CFAP20DC: variants seen among roughly 807,000 people sequenced by gnomAD.
CFAP20DC encodes the protein CFAP20 domain containing.
A neutral mutation model predicts 101.7 loss-of-function variants in CFAP20DC; 84 were observed. That is an observed-to-expected ratio of 0.83 (90% CI 0.69 to 0.99). The LOEUF (loss-of-function observed/expected upper bound fraction) is 0.99, where lower values mean the gene tolerates loss of function less well. Ranked by LOEUF, CFAP20DC falls within the 50% of genes least tolerant of loss-of-function variation. CFAP20DC has a pLI of 0.00. For missense variants in CFAP20DC, 1,007 were observed against 970.3 expected, an observed-to-expected ratio of 1.04 and a Z score of -0.50; for synonymous variants, 359 against 351.2, an observed-to-expected ratio of 1.02 and a Z score of -0.25.
chr3:58,793,153 A>T (rs2107645478), intron 15 of CFAP20DC, among the ~76,000 whole-genome samples: 1 of 152,306 alleles, frequency 6.6e-6, no homozygotes, highest in South Asian at 2.1e-4. Flanking sequence ...GTAGTTTAAA[A>T]ATATCATTAA....
intron 4 of CFAP20DC, among the ~76,000 whole-genome samples, chr3:58,939,151 T>C (rs1477318234): frequency 6.6e-6 from 1 of 152,212 alleles, no homozygotes; most frequent in Admixed American, 6.5e-5. Context: ...TGTGCATGTC[T>C]CATTATACAG....
intron 15 of CFAP20DC, among the ~76,000 whole-genome samples, chr3:58,782,735 T>A (rs568549086): frequency 6.6e-6 from 1 of 152,060 alleles, no homozygotes; most frequent in African/African-American, 2.4e-5. Flanking sequence ...TAAGGAAAAC[T>A]ACAAAACACT....
chr3:59,012,278 A>T (rs144609645), intron 4 of CFAP20DC, among the ~76,000 whole-genome samples: 215 of 152,388 alleles, frequency 1.4e-3, no homozygotes, highest in Non-Finnish European at 2.3e-3. Context: ...TACAGAAGTG[A>T]AAGGATACAC....
At chr3:58,838,242 T>C (rs1418843291) in intron 13 of CFAP20DC, among the ~76,000 whole-genome samples, 1 of 152,092 alleles carries the variant, frequency 6.6e-6, no homozygotes, top group Non-Finnish European at 1.5e-5. Context: ...TAAGGGTTGC[T>C]ATATTGAGTT....
chr3:58,970,173 C>T (rs1036502701), intron 4 of CFAP20DC, among the ~76,000 whole-genome samples: 4 of 151,998 alleles, frequency 2.6e-5, no homozygotes, highest in African/African-American at 9.7e-5. Flanking sequence ...TTGGTGATGT[C>T]CTGAAATGTT....
At chr3:58,837,279 T>C (rs1391110989) in intron 13 of CFAP20DC, among the ~76,000 whole-genome samples, 1 of 152,104 alleles carries the variant, frequency 6.6e-6, no homozygotes. Flanking sequence ...ATCGCCCACA[T>C]GCCCATCAAC....
At chr3:58,825,177 A>G (rs1177248014) in intron 14 of CFAP20DC, among the ~76,000 whole-genome samples, 1 of 152,122 alleles carries the variant, frequency 6.6e-6, no homozygotes, top group Non-Finnish European at 1.5e-5. Context: ...AACAAACACT[A>G]CAGAATCTCT....
At chr3:58,860,322 A>AG (rs1300263790) in intron 12 of CFAP20DC, among the ~76,000 whole-genome samples, 1 of 152,132 alleles carries the variant, frequency 6.6e-6, no homozygotes, top group Non-Finnish European at 1.5e-5. Flanking sequence ...GCTAAAAAAA[A>AG]CTCTTGAAAG....
intron 14 of CFAP20DC, among the ~76,000 whole-genome samples, chr3:58,815,994 G>A (rs1022575183): frequency 5.3e-5 from 8 of 151,752 alleles, no homozygotes; most frequent in African/African-American, 1.9e-4. Context: ...ATTTGACCCA[G>A]CCATCCCATT....
chr3:58,767,689 C>G (rs1409481597), intron 15 of CFAP20DC, among the ~76,000 whole-genome samples: 1 of 152,178 alleles, frequency 6.6e-6, no homozygotes, highest in Non-Finnish European at 1.5e-5. Flanking sequence ...CCACCATGCC[C>G]TCTTTCATAT....
At chr3:58,746,891 T>G (rs1356283764) in intron 16 of CFAP20DC, among the ~76,000 whole-genome samples, 1 of 152,122 alleles carries the variant, frequency 6.6e-6, no homozygotes, top group Non-Finnish European at 1.5e-5. Flanking sequence ...GCCATTATAA[T>G]CCCTACGTAA....
intron 4 of CFAP20DC, among the ~76,000 whole-genome samples, chr3:58,957,283 G>A (rs540988676): frequency 2.0e-5 from 3 of 152,096 alleles, no homozygotes; most frequent in Admixed American, 6.5e-5. Flanking sequence ...TCAGAGAAAC[G>A]CAAATCAAAA....
Position 58,892,364 on chromosome 3 carries a change from T to C in CFAP20DC, c.551-7655A>G, listed in dbSNP as rs1306632421. ...TTTTAAAGTAGTTTCTTTCTAATTCTGTGAAGAACATCAATGGCAGTTTAA... is the reference window on the plus strand; with the variant it reads ...TTTTAAAGTAGTTTCTTTCTAATTCCGTGAAGAACATCAATGGCAGTTTAA... On this transcript the variant is annotated intron_variant, in intron 6 of 16. Transcript: ENST00000482387. This position sits in a 1 kb window ranked among gnomAD's most constrained non-coding sequence, Gnocchi z 4.0. Among the ~76,000 whole-genome samples, 1 of 152,248 alleles carries C rather than the reference T, an allele frequency of 6.6e-6. No individual in the cohort carries two copies. The highest frequency in any genetic ancestry group is 1.5e-5 in the Non-Finnish European group (1 of 68,042).
Position 59,006,067 on chromosome 3 carries a change from ATG to A in CFAP20DC, c.278+33488_278+33489del, listed in dbSNP as rs1398907324. On this transcript the variant is annotated intron_variant, in intron 4 of 16. Transcript: ENST00000482387. This position sits in a 1 kb window ranked among gnomAD's most constrained non-coding sequence, Gnocchi z 4.3. ...TACTTTTAAATATCCCTACATTTAT[ATG>A]TGTTTTTATAAATATGTAATATACT... Among the ~76,000 whole-genome samples, 1 of 152,188 alleles carries A rather than the reference ATG, an allele frequency of 6.6e-6. No homozygotes were observed. The highest frequency in any genetic ancestry group is 1.5e-5 in the Non-Finnish European group (1 of 68,036).
At chr3:58,818,208 G>A (rs1045120478) in intron 14 of CFAP20DC, among the ~76,000 whole-genome samples, 4 of 151,930 alleles carry the variant, frequency 2.6e-5, no homozygotes, top group African/African-American at 7.2e-5. Context: ...AAAGACCATC[G>A]AGACTAGAAA....
intron 5 of CFAP20DC, among the ~76,000 whole-genome samples, chr3:58,930,783 C>G (rs557074216): frequency 2.0e-5 from 3 of 152,014 alleles, no homozygotes; most frequent in Non-Finnish European, 2.9e-5. Context: ...TTAAGCAGGA[C>G]TGGCAGCCAA....
rs114027876 is a variant in CFAP20DC at position 58,813,082 on chromosome 3, C to T, written c.2176-6626G>A. ...TCTATTACCACGAATGAGAATTACA[C>T]ATGTAAATCTTAGGTCAAGGCAGTC... is the stretch of plus-strand genomic sequence containing the variant. On this transcript the variant is annotated intron_variant, in intron 14 of 16. Coordinates refer to ENST00000482387, the MANE Select transcript of CFAP20DC (RefSeq NM_001394063.1). 2.2e-3 allele frequency among the ~76,000 whole-genome samples: 327 copies of T among 151,950 alleles called. 13 individuals carry two copies. The highest frequency in any genetic ancestry group is 7.7e-3 in the African/African-American group (319 of 41,292).
chr3:58,963,615 T>G (rs1408709575), intron 4 of CFAP20DC, among the ~76,000 whole-genome samples: 2 of 152,142 alleles, frequency 1.3e-5, no homozygotes, highest in Non-Finnish European at 2.9e-5. Context: ...TAAGAACCAC[T>G]GTTTTTTTAA....
chr3:58,745,227 C>T (rs1177981208), intron 16 of CFAP20DC, among the ~76,000 whole-genome samples: 1 of 152,132 alleles, frequency 6.6e-6, no homozygotes, highest in Non-Finnish European at 1.5e-5. Context: ...TATGTACATC[C>T]TCTACTTTCA....
Sources: gnomAD v4.1 joint callset for allele counts (sites outside exome capture counted in the v4.1 genomes callset) on GRCh38, gnomAD v4.1.1 for gene constraint, Gnocchi (gnomAD v3.1) non-coding constraint, MANE v1.5 for transcripts, NCBI Gene and HGNC (gene_info 2026-07-23, HGNC 2026-07-21) for gene names.